Variants in PRR22 observed in about 807,000 individuals in gnomAD.
PRR22 encodes the protein proline rich 22, also known as proline-rich protein 22.
PRR22 carries 5 observed loss-of-function variants against 7.2 expected under a neutral mutation model. That is an observed-to-expected ratio of 0.69 (90% CI 0.36 to 1.45). The LOEUF is 1.45. Ranked by LOEUF, PRR22 falls within the 40% of genes most tolerant of loss-of-function variation. The pLI, the probability that PRR22 is intolerant of heterozygous loss-of-function variation, is 0.03. For synonymous variants in PRR22, 319 were observed against 269.3 expected (o/e 1.18, Z -1.81); for missense variants, 619 against 568.8 (o/e 1.09, Z -0.90).
Position 5,784,045 on chromosome 19 carries a change from T to A in PRR22, c.202A>T (p.Met68Leu). The change falls in exon 3 of 3, where the codon ATG (methionine) becomes TTG (leucine). Residue 68 changes from methionine (M) to leucine (L), a missense_variant. Physicochemically the swap from Met to Leu is conservative, Grantham distance 15 (BLOSUM62 2). Coordinates refer to ENST00000419421, the MANE Select transcript of PRR22 (RefSeq NM_001134316.2). ...VFPAPPAGFQ[M>L]APCGCFFDPR... ...TCGAAGAAGCACCCGCATGGGGCCATCTGGAAACCTGTGGGCGGCAGGCGG... is the reference window on the plus strand; with the variant it reads ...TCGAAGAAGCACCCGCATGGGGCCAACTGGAAACCTGTGGGCGGCAGGCGG... The A allele has an allele frequency of 6.2e-7, 1 of 1,611,772 alleles. No individual in the cohort carries two copies. The highest frequency in any genetic ancestry group is 8.5e-7 in the Non-Finnish European group (1 of 1,179,462).
At position 5,784,428 on chromosome 19, in the gene PRR22, G is replaced by A. The variant is rs770952701; in HGVS notation, c.142C>T (p.Leu48=). The change falls in exon 2 of 3, where the codon CTG becomes TTG. Residue 48 remains leucine (L), a synonymous_variant. Coordinates refer to ENST00000419421, the MANE Select transcript of PRR22 (RefSeq NM_001134316.2). The part of the protein sequence containing the change: ...EPPPAMGSLN[L]YHPPDPEKEV... ...TTCTCTGGGTCTGGGGGATGATACA[G>A]GTTCAAGGAGCCTGTGGACAAAGGT... 9 of 1,563,474 alleles carry A rather than the reference G, an allele frequency of 5.8e-6. No individual in the cohort carries two copies. The Middle Eastern group carries it at 5.0e-4, about 87-fold the overall frequency.
rs1297569199 is a variant in PRR22, at chr19:5,783,820, G to C, written c.427C>G (p.Leu143Val). The change falls in exon 3 of 3, where the codon CTC (leucine) becomes GTC (valine). Residue 143 changes from leucine (L) to valine (V), a missense_variant. Physicochemically the swap from Leu to Val is conservative, Grantham distance 32. Coordinates refer to ENST00000419421, the MANE Select transcript of PRR22 (RefSeq NM_001134316.2). Reference sequence around the variant, plus strand: ...CCCTCAGGCGGGAAGTAGGGCAAGAGAAACTGGGGCCCCCCGGGTGCCTGC... The same window carrying C: ...CCCTCAGGCGGGAAGTAGGGCAAGACAAACTGGGGCCCCCCGGGTGCCTGC... Reference protein sequence around the residue: ...YQQAPGGPQFLLPYFPPEGPG... With the variant: ...YQQAPGGPQFVLPYFPPEGPG... The C allele has an allele frequency of 7.8e-6, 12 of 1,530,466 alleles. No individual in the cohort carries two copies. Among genetic ancestry groups the C allele is most frequent in the Non-Finnish European group, 1.1e-5 (12 of 1,137,924 alleles). The allele number at this position is 1,530,466 out of a possible 1,614,324, so 94.8% of individuals were successfully genotyped here. A position where few individuals can be genotyped will look rare whatever the true frequency, so the allele number is the denominator to read the frequency against.
rs181183260 is a variant in PRR22, at chr19:5,783,944, G to A, written c.303C>T (p.Ser101=). ...CGGAGGGGACCCCCGCTGGCCCCCC[G>A]CTGCTTGCTGCCAGCTTATACAGGG... The part of the protein sequence containing the change: ...QSALYKLAAS[S]GGPAGVPSAP... Residue 101 remains serine, a synonymous_variant, in exon 3 of 3, where the codon AGC becomes AGT. Coordinates refer to ENST00000419421, the MANE Select transcript of PRR22 (RefSeq NM_001134316.2). The A allele has an allele frequency of 6.0e-4, 954 of 1,591,720 alleles. 2 individuals carry two copies. Among genetic ancestry groups the A allele is most frequent in the Middle Eastern group, 1.3e-3 (8 of 5,942 alleles).
rs748892664 is a variant in PRR22, at chr19:5,783,480, G to C, written c.767C>G (p.Ala256Gly). Residue 256 changes from alanine to glycine, a missense_variant, in exon 3 of 3, where the codon GCC (alanine) becomes GGC (glycine). Physicochemically the swap from Ala to Gly is moderately conservative, Grantham distance 60. Coordinates refer to ENST00000419421, the MANE Select transcript of PRR22 (RefSeq NM_001134316.2). ...YPPGLSELKV[A>G]EVKEGALLGA... is the part of the protein sequence containing the mutation. ...CAGCAGGGCCCCCTCCTTGACCTCG[G>C]CCACCTTGAGCTCGCTGAGGCCCGG... 6.2e-7 allele frequency: 1 copy of C among 1,603,938 alleles called. No homozygotes were observed. Among genetic ancestry groups the C allele is most frequent in the South Asian group, 1.1e-5 (1 of 90,166 alleles).
rs1480161279 is a variant in PRR22 at position 5,783,344 on chromosome 19, C to T, written c.903G>A (p.Glu301=). The change falls in exon 3 of 3, where the codon GAG becomes GAA. Residue 301 remains glutamate, a synonymous_variant. Transcript: ENST00000419421. The part of the protein sequence containing the change: ...KLFDCLPGAS[E]PEGTLCEVPG... ...GGACCTCGCACAGGGTACCCTCAGG[C>T]TCAGAGGCGCCTGGCAGGCAGTCGA... 2 of 1,612,612 alleles carry T rather than the reference C, an allele frequency of 1.2e-6. No individual in the cohort carries two copies. Among genetic ancestry groups the T allele is most frequent in the South Asian group, 2.2e-5 (2 of 91,084 alleles).
chr19:5,784,129 G>A, intron 2 of PRR22, 76 bp from the exon 3 acceptor site: 2 of 1,390,484 alleles, frequency 1.4e-6, no homozygotes, highest in Non-Finnish European at 1.0e-6. Flanking sequence ...GCCTGTTTGG[G>A]AGATGCCACA....
rs780345424 is a variant in PRR22, at chr19:5,783,110, G to C, written c.1137C>G (p.Pro379=). The change falls in exon 3 of 3, where the codon CCC becomes CCG. Residue 379 remains proline, a synonymous_variant. Coordinates refer to ENST00000419421, the MANE Select transcript of PRR22 (RefSeq NM_001134316.2). ...AGGCCTTTCTCTTGCCAGACAGAAT[G>C]GGGGCCGGGGTGTTGGTGGCAGGGG... The part of the protein sequence containing the change: ...PGPPATNTPA[P]ILSGKRKAST... The C allele has an allele frequency of 1.9e-5, 31 of 1,611,318 alleles. No homozygotes were observed. Among genetic ancestry groups the C allele is most frequent in the Admixed American group, 3.3e-5 (2 of 59,934 alleles).
Position 5,783,049 on chromosome 19 carries a change from T to C in PRR22, c.1198A>G (p.Arg400Gly). ...GCGCTGGCTGGGCCTGCCGGCTGCC[T>C]GGCCTTCCTTCCCGGCTTTCCCTTC... ...AKKGKPGRKA[R>G]QPAGPASATP... is the part of the protein sequence containing the mutation. Residue 400 changes from arginine to glycine, a missense_variant, in exon 3 of 3, where the codon AGG becomes GGG. Physicochemically the swap from Arg to Gly is moderately radical, Grantham distance 125. Coordinates refer to ENST00000419421, the MANE Select transcript of PRR22 (RefSeq NM_001134316.2). The C allele has an allele frequency of 6.3e-7, 1 of 1,575,496 alleles. No individual in the cohort carries two copies.
chr19:5,784,665 C>A lies in PRR22; in HGVS notation c.-5G>T. Reference sequence around the variant, plus strand: ...GAACGGTTTGGGGTGCTGCATGGGGCAGCGGGGGGCCCGGTCCAGACAGGC... The same window carrying A: ...GAACGGTTTGGGGTGCTGCATGGGGAAGCGGGGGGCCCGGTCCAGACAGGC... On this transcript the variant is annotated 5_prime_UTR_variant, in exon 1 of 3. Transcript: ENST00000419421. 1 of 1,533,546 alleles carries A rather than the reference C, an allele frequency of 6.5e-7. No individual in the cohort carries two copies. The highest frequency in any genetic ancestry group is 8.7e-7 in the Non-Finnish European group (1 of 1,146,544). 95.0% of individuals were successfully genotyped at this position (1,533,546 alleles called of 1,614,324 possible). A position where few individuals can be genotyped will look rare whatever the true frequency, so the allele number is the denominator to read the frequency against.
In PRR22 at chr19:5,784,064, C is replaced by G; in HGVS notation, c.194-11G>C. 6.2e-7 allele frequency: 1 copy of G among 1,610,652 alleles called. No homozygotes were observed. Among genetic ancestry groups the G allele is most frequent in the South Asian group, 1.1e-5 (1 of 90,984 alleles). On this transcript the variant is annotated splice_polypyrimidine_tract_variant and intron_variant, in intron 2 of 2. Transcript: ENST00000419421. ...GGGCCATCTGGAAACCTGTGGGCGGCAGGCGGGTGCCCTGAGAGCAGCTGC... is the reference window on the plus strand; with the variant it reads ...GGGCCATCTGGAAACCTGTGGGCGGGAGGCGGGTGCCCTGAGAGCAGCTGC...
In PRR22 at chr19:5,783,852, TG is replaced by T; in HGVS notation, c.394del (p.His132ThrfsTer45). ...LKAPGLPPYP[H>X]YQQAPGGPQF... ...GGGCCCCCCGGGTGCCTGCTGGTAG[TG>T]GGGGTATGGAGGCAGCCCCGGGGCC... On this transcript the variant is annotated frameshift_variant, in exon 3 of 3. Coordinates refer to ENST00000419421, the MANE Select transcript of PRR22 (RefSeq NM_001134316.2). LOFTEE classifies it low-confidence loss of function (END_TRUNC). The T allele has an allele frequency of 1.9e-6, 3 of 1,557,044 alleles. No individual in the cohort carries two copies. Among genetic ancestry groups the T allele is most frequent in the Non-Finnish European group, 2.6e-6 (3 of 1,151,112 alleles).
chr19:5,784,686 C>T lies in PRR22; in HGVS notation c.-26G>A, dbSNP rs1411228014. ...GGGGCAGCGGGGGGCCCGGTCCAGA[C>T]AGGCCAGGAGGGCGGCAGTGGGAGT... On this transcript the variant is annotated 5_prime_UTR_variant, in exon 1 of 3. Coordinates refer to ENST00000419421, the MANE Select transcript of PRR22 (RefSeq NM_001134316.2). 5 of 1,531,574 alleles carry T rather than the reference C, an allele frequency of 3.3e-6. No individual in the cohort carries two copies. The highest frequency in any genetic ancestry group is 1.2e-5 in the South Asian group (1 of 83,692). 94.9% of individuals were successfully genotyped at this position (1,531,574 alleles called of 1,614,324 possible). A position where few individuals can be genotyped will look rare whatever the true frequency, so the allele number is the denominator to read the frequency against.
rs2056822371 is a variant in PRR22, at chr19:5,784,679, G to C, written c.-19C>G. 6.5e-7 allele frequency: 1 copy of C among 1,532,440 alleles called. No individual in the cohort carries two copies. The highest frequency in any genetic ancestry group is 1.2e-5 in the South Asian group (1 of 83,810). The allele number at this position is 1,532,440 out of a possible 1,614,324, so 94.9% of individuals were successfully genotyped here. A position where few individuals can be genotyped will look rare whatever the true frequency, so the allele number is the denominator to read the frequency against. On this transcript the variant is annotated 5_prime_UTR_variant, in exon 1 of 3. Coordinates refer to ENST00000419421, the MANE Select transcript of PRR22 (RefSeq NM_001134316.2). ...GCTGCATGGGGCAGCGGGGGGCCCG[G>C]TCCAGACAGGCCAGGAGGGCGGCAG...
Position 5,783,293 on chromosome 19 carries a change from ACTG to A in PRR22, c.951_953del (p.Ser318del), listed in dbSNP as rs763758443. 1.2e-6 allele frequency: 2 copies of A among 1,612,824 alleles called. No homozygotes were observed. The highest frequency in any genetic ancestry group is 4.5e-5 in the East Asian group (2 of 44,888). On this transcript the variant is annotated inframe_deletion, in exon 3 of 3. Coordinates refer to ENST00000419421, the MANE Select transcript of PRR22 (RefSeq NM_001134316.2). ...GGATGTCATCGGCTGAGTTCCCACC[ACTG>A]CTGTCAGGCAGGGCCGGCCCAGGGA...
chr19:5,784,250 C>T (rs1296958359), intron 2 of PRR22, 127 bp downstream of exon 2: 1 of 1,140,552 alleles, frequency 8.8e-7, no homozygotes, highest in Non-Finnish European at 1.3e-6. Flanking sequence ...TCTGGGGGAC[C>T]TGTGTGAAGC....
chr19:5,784,167 G>A (rs2056818058), intron 2 of PRR22, 114 bp from the exon 3 acceptor site: 3 of 1,127,006 alleles, frequency 2.7e-6, no homozygotes, highest in South Asian at 2.5e-5. Context: ...GGGCCCCTTT[G>A]GGGGACGACA....
At position 5,783,130 on chromosome 19, in the gene PRR22, CA is replaced by C. The variant is rs773599083; in HGVS notation, c.1116del (p.Ala373ProfsTer?). On this transcript the variant is annotated frameshift_variant, in exon 3 of 3. Transcript: ENST00000419421. LOFTEE classifies it low-confidence loss of function (END_TRUNC). ...AGAATGGGGGCCGGGGTGTTGGTGG[CA>C]GGGGGCCCCGGGTGGGGCGGCTGCT... ...DEEQPPHPGP[P>X]ATNTPAPILS... The C allele has an allele frequency of 6.2e-7, 1 of 1,612,310 alleles. No homozygotes were observed. Among genetic ancestry groups the C allele is most frequent in the Non-Finnish European group, 8.5e-7 (1 of 1,179,758 alleles).
chr19:5,783,871 C>T lies in PRR22; in HGVS notation c.376G>A (p.Gly126Arg), dbSNP rs750767092. The T allele has an allele frequency of 5.1e-6, 8 of 1,571,164 alleles. No individual in the cohort carries two copies. Among genetic ancestry groups the T allele is most frequent in the African/African-American group, 1.4e-5 (1 of 73,910 alleles). The change falls in exon 3 of 3, where the codon GGG becomes AGG. Residue 126 changes from glycine to arginine, a missense_variant. Gly to Arg is a moderately radical substitution (Grantham distance 125). Transcript: ENST00000419421. Reference protein sequence around the residue: ...LEPQPYLKAPGLPPYPHYQQA... With the variant: ...LEPQPYLKAPRLPPYPHYQQA... ...TGGTAGTGGGGGTATGGAGGCAGCC[C>T]CGGGGCCTTGAGGTAGGGCTGAGGC...
rs1599612249 is a variant in PRR22 at position 5,783,129 on chromosome 19, G to A, written c.1118C>T (p.Ala373Val). 6.2e-7 allele frequency: 1 copy of A among 1,612,230 alleles called. No homozygotes were observed. Among genetic ancestry groups the A allele is most frequent in the African/African-American group, 1.3e-5 (1 of 74,908 alleles). The change falls in exon 3 of 3, where the codon GCC (alanine) becomes GTC (valine). Residue 373 changes from alanine (A) to valine (V), a missense_variant. Physicochemically the swap from Ala to Val is moderately conservative, Grantham distance 64. Coordinates refer to ENST00000419421, the MANE Select transcript of PRR22 (RefSeq NM_001134316.2). ...EEQPPHPGPP[A>V]TNTPAPILSG... The stretch of plus-strand genomic sequence containing the variant: ...CAGAATGGGGGCCGGGGTGTTGGTG[G>A]CAGGGGGCCCCGGGTGGGGCGGCTG...
Sources: gnomAD v4.1 joint callset for allele counts on GRCh38, gnomAD v4.1.1 for gene constraint, MANE v1.5 for transcripts, NCBI Gene and HGNC (gene_info 2026-07-23, HGNC 2026-07-21) for gene names.